The following CDH1 variants were observed in gnomAD, a reference collection of about 807,000 sequenced individuals.
The protein encoded by CDH1 is cadherin-1.
A neutral mutation model predicts 84.5 loss-of-function variants in CDH1; 35 were observed. That is an observed-to-expected ratio of 0.41 (90% confidence interval 0.32 to 0.55). The LOEUF (loss-of-function observed/expected upper bound fraction) is 0.55. CDH1 is among the 20% of genes least tolerant of loss of function. The probability of loss-of-function intolerance (pLI) is 0.19; values close to 1 mark genes in which losing one functional copy is unlikely to be tolerated. For missense variants in CDH1, 994 were observed against 1,126.6 expected, an observed-to-expected ratio of 0.88 and a Z score of 1.68; for synonymous variants, 417 against 439.0, an observed-to-expected ratio of 0.95 and a Z score of 0.63.
intron 2 of CDH1, among the ~76,000 whole-genome samples, chr16:68,749,135 C>T (rs1349209456): frequency 6.6e-6 from 1 of 152,194 alleles, no homozygotes; most frequent in Non-Finnish European, 1.5e-5. Context: ...CCGTGCCCTA[C>T]CAATAGACAG....
At chr16:68,746,170 G>C (rs1340801934) in intron 2 of CDH1, among the ~76,000 whole-genome samples, 1 of 152,154 alleles carries the variant, frequency 6.6e-6, no homozygotes, top group Non-Finnish European at 1.5e-5. Flanking sequence ...GCTTACGCCT[G>C]TAATCTGCAC....
chr16:68,826,268 C>T (rs1961320797), intron 13 of CDH1, among the ~76,000 whole-genome samples: 1 of 152,152 alleles, frequency 6.6e-6, no homozygotes, highest in South Asian at 2.1e-4. Flanking sequence ...TGCCAGAGTT[C>T]AGATGTTCAA....
chr16:68,770,224 C>A (rs147738022), intron 2 of CDH1, among the ~76,000 whole-genome samples: 1 of 152,128 alleles, frequency 6.6e-6, no homozygotes, highest in African/African-American at 2.4e-5. Context: ...AGCTCTGCCT[C>A]CTGTCCTAAA....
At chr16:68,738,251 GA>G in intron 1 of CDH1, 45 bp from the exon 2 acceptor site, 2 of 1,301,118 alleles carry the variant, frequency 1.5e-6, no homozygotes, top group Non-Finnish European at 2.2e-6. Context: ...GAGCAGGAGG[GA>G]ACCCTCCGAG....
chr16:68,815,587 T>C lies in CDH1; in HGVS notation c.1393T>C (p.Ser465Pro), dbSNP rs776588895. The change falls in exon 10 of 16, where the codon TCT becomes CCT. Residue 465 changes from serine (S) to proline (P), a missense_variant. Around this residue, in one of 3 missense-constraint regions of CDH1, gnomAD observed 769 missense variants for 881.8 expected, o/e 0.87. Transcript: ENST00000261769. ...GACGAATGTGGTACCTTTTGAGGTC[T>C]CTCTCACCACCTCCACAGCCACCGT... ...AVTNVVPFEV[S>P]LTTSTATVTV... The C allele has an allele frequency of 6.2e-7, 1 of 1,614,252 alleles. No homozygotes were observed. Among genetic ancestry groups the C allele is most frequent in the Non-Finnish European group, 8.5e-7 (1 of 1,180,048 alleles).
At chr16:68,818,096 C>T (rs1237657708) in intron 10 of CDH1, among the ~76,000 whole-genome samples, 20 of 151,310 alleles carry the variant, frequency 1.3e-4, no homozygotes, top group Admixed American at 1.2e-3. Context: ...AAAAATTAGC[C>T]GGGCGTGGTG....
rs876658922 is a variant in CDH1, at chr16:68,812,182, T to A, written c.1056T>A (p.Gly352=). Reference sequence around the variant, plus strand: ...TGGTTCAAGCTGCTGACCTTCAAGGTGAGGGGTTAAGCACAACAGCAACAG... The same window carrying A: ...TGGTTCAAGCTGCTGACCTTCAAGGAGAGGGGTTAAGCACAACAGCAACAG... ...TLVVQAADLQ[G]EGLSTTATAV... The change falls in exon 8 of 16, where the codon GGT becomes GGA. Residue 352 remains glycine (G), a synonymous_variant. Coordinates refer to ENST00000261769, the MANE Select transcript of CDH1 (RefSeq NM_004360.5). 2 of 1,614,048 alleles carry A rather than the reference T, an allele frequency of 1.2e-6. No individual in the cohort carries two copies. The highest frequency in any genetic ancestry group is 1.7e-6 in the Non-Finnish European group (2 of 1,179,980).
At position 68,823,090 on chromosome 16, in the gene CDH1, G is replaced by A. The variant is rs554646194; in HGVS notation, c.1937-309G>A. Reference sequence around the variant, plus strand: ...GGCTGGGCAAAAAGGTTCACCCTCAGGCACACGGGAGCCTACCGAACCCAG... The same window carrying A: ...GGCTGGGCAAAAAGGTTCACCCTCAAGCACACGGGAGCCTACCGAACCCAG... On this transcript the variant is annotated intron_variant, in intron 12 of 15. Coordinates refer to ENST00000261769, the MANE Select transcript of CDH1 (RefSeq NM_004360.5). 3.8e-4 allele frequency: 133 copies of A among 351,124 alleles called. No individual in the cohort carries two copies. In the Middle Eastern group the frequency reaches 4.6e-3, roughly 12 times the overall value. 21.8% of individuals were successfully genotyped at this position (351,124 alleles called of 1,614,324 possible). A position where few individuals can be genotyped will look rare whatever the true frequency, so the allele number is the denominator to read the frequency against.
chr16:68,745,473 G>C (rs1362911516), intron 2 of CDH1, among the ~76,000 whole-genome samples: 1 of 145,352 alleles, frequency 6.9e-6, no homozygotes, highest in Non-Finnish European at 1.5e-5. Flanking sequence ...AGCCCGGGAG[G>C]TCGAGGCTGC....
At chr16:68,787,114 A>G (rs1960073371) in intron 2 of CDH1, among the ~76,000 whole-genome samples, 3 of 152,336 alleles carry the variant, frequency 2.0e-5, no homozygotes, top group South Asian at 2.1e-4. Context: ...ATGTGGCCCT[A>G]GATTGATGCG....
chr16:68,801,404 C>T (rs1960494151), intron 2 of CDH1, among the ~76,000 whole-genome samples: 1 of 152,232 alleles, frequency 6.6e-6, no homozygotes, highest in Non-Finnish European at 1.5e-5. Context: ...GCATGAGACA[C>T]TGTGCCCAGT....
At chr16:68,819,047 G>C (rs1961064953) in intron 10 of CDH1, among the ~76,000 whole-genome samples, 1 of 152,000 alleles carries the variant, frequency 6.6e-6, no homozygotes, top group South Asian at 2.1e-4. Flanking sequence ...GTAGAGACAG[G>C]GTTTCACCAT....
chr16:68,772,919 C>G (rs1007077849), intron 2 of CDH1, among the ~76,000 whole-genome samples: 4 of 152,042 alleles, frequency 2.6e-5, no homozygotes, highest in African/African-American at 9.7e-5. Flanking sequence ...AGAGTGACAC[C>G]CAGTCTCAAA....
intron 2 of CDH1, among the ~76,000 whole-genome samples, chr16:68,750,174 C>CTTTTT (rs1962853915): frequency 3.4e-4 from 7 of 20,692 alleles, no homozygotes; most frequent in African/African-American, 7.9e-4. Context: ...TTTGGAAGGC[C>CTTTTT]TCTTTTGTCT....
At chr16:68,751,643 G>T (rs1482110711) in intron 2 of CDH1, among the ~76,000 whole-genome samples, 1 of 150,190 alleles carries the variant, frequency 6.7e-6, no homozygotes, top group Non-Finnish European at 1.5e-5. Context: ...GCTGGGGTTA[G>T]AGGCATGGGC....
chr16:68,829,118 G>C (rs1961408836), intron 14 of CDH1, among the ~76,000 whole-genome samples: 1 of 152,166 alleles, frequency 6.6e-6, no homozygotes, highest in Admixed American at 6.6e-5. Flanking sequence ...TCTCATCTAA[G>C]CTCATGAGAA....
intron 2 of CDH1, among the ~76,000 whole-genome samples, chr16:68,786,534 C>CTTTTTTTTTTTTTTTTTTTTCTTTTTTTT (rs3074434): frequency 1.4e-5 from 1 of 73,914 alleles, no homozygotes; most frequent in Admixed American, 2.0e-4. Flanking sequence ...TTTTTTTTTT[C>CTTTTTTTTTTTTTTTTTTTTCTTTTTTTT]TTTTTTTTTT....
intron 2 of CDH1, among the ~76,000 whole-genome samples, chr16:68,778,160 G>T (rs1272239115): frequency 2.0e-5 from 3 of 152,146 alleles, no homozygotes; most frequent in African/African-American, 7.2e-5. Flanking sequence ...CAATTCTCCT[G>T]CCTTAGCTTC....
rs1316259812 is a variant in CDH1 at position 68,797,910 on chromosome 16, C to T, written c.164-3760C>T. Among the ~76,000 whole-genome samples the T allele has an allele frequency of 2.0e-5, 3 of 151,968 alleles. No individual in the cohort carries two copies. The East Asian group carries it at 5.8e-4, about 29-fold the overall frequency. On this transcript the variant is annotated intron_variant, in intron 2 of 15. Coordinates refer to ENST00000261769, the MANE Select transcript of CDH1 (RefSeq NM_004360.5). ...CCTGGCCAACATGGTGAAACCTTGT[C>T]TCTACTAAAAATACAAAAATTAGCT... is the stretch of plus-strand genomic sequence containing the variant.
Sources: allele counts gnomAD v4.1 joint callset (sites outside exome capture counted in the v4.1 genomes callset), GRCh38; gene constraint gnomAD v4.1.1; regional missense constraint gnomAD v4.1.1; transcripts MANE v1.5; gene names NCBI Gene and HGNC (gene_info 2026-07-23, HGNC 2026-07-21).